SIL1: variants seen among roughly 807,000 people sequenced by gnomAD.
SIL1 encodes the protein nucleotide exchange factor SIL1.
In SIL1, 40 loss-of-function variants were observed where a neutral mutation model predicts 49.1. That is an observed-to-expected ratio of 0.81 (90% CI 0.63 to 1.06). SIL1 has a LOEUF of 1.06. Among genes scored for constraint, SIL1 ranks in the 50% least tolerant of loss-of-function variants. SIL1 has a pLI of 0.00. For synonymous variants in SIL1, 253 were observed against 250.8 expected (o/e 1.01, Z -0.08); for missense variants, 500 against 572.6 (o/e 0.87, Z 1.29).
chr5:139,056,518 A>C (rs1286351703), intron 3 of SIL1, among the ~76,000 whole-genome samples: 23 of 83,878 alleles, frequency 2.7e-4, no homozygotes, highest in African/African-American at 4.6e-4. Flanking sequence ...GCCCCCCGCC[A>C]GGCCAGCCGC....
At chr5:138,965,687 C>T (rs1158435039) in intron 7 of SIL1, among the ~76,000 whole-genome samples, 1 of 151,388 alleles carries the variant, frequency 6.6e-6, no homozygotes, top group Admixed American at 6.6e-5. Flanking sequence ...TAGGCACCCA[C>T]GGAGGGGGAT....
intron 7 of SIL1, among the ~76,000 whole-genome samples, chr5:138,986,404 C>T (rs532041384): frequency 1.1e-4 from 16 of 152,308 alleles, no homozygotes; most frequent in African/African-American, 3.4e-4. Flanking sequence ...TGATTTAGGA[C>T]GCAACTTGCA....
At chr5:139,185,252 C>T (rs1390948355) in intron 1 of SIL1, among the ~76,000 whole-genome samples, 1 of 152,162 alleles carries the variant, frequency 6.6e-6, no homozygotes, top group Non-Finnish European at 1.5e-5. Context: ...GGCATCCTGT[C>T]CAAGGCTGGT....
chr5:139,170,864 A>C, intron 1 of SIL1, among the ~76,000 whole-genome samples: 1 of 144,714 alleles, frequency 6.9e-6, no homozygotes, highest in African/African-American at 2.6e-5. Context: ...CCCGTCCGGG[A>C]GGTGAGGGGC....
At chr5:139,147,375 G>T (rs149988469) in intron 1 of SIL1, among the ~76,000 whole-genome samples, 7 of 152,188 alleles carry the variant, frequency 4.6e-5, no homozygotes, top group African/African-American at 1.7e-4. Context: ...TCACCAACAG[G>T]ATACAGCCCT....
intron 5 of SIL1, among the ~76,000 whole-genome samples, chr5:139,030,980 T>C (rs1055457452): frequency 1.3e-5 from 2 of 152,204 alleles, no homozygotes; most frequent in Admixed American, 6.5e-5. Flanking sequence ...TTGTTTTGCA[T>C]AGTTTCAGTG....
rs1169844720 is a variant in SIL1, at chr5:139,170,851, C to T, written c.-11+27418G>A. 4.0e-5 allele frequency among the ~76,000 whole-genome samples: 6 copies of T among 150,196 alleles called. No individual in the cohort carries two copies. The East Asian group carries it at 6.0e-4, about 15-fold the overall frequency. On this transcript the variant is annotated intron_variant, in intron 1 of 9. Transcript: ENST00000394817. ...GGGGTCAGCCCCCCGCCCGGCCAGC[C>T]GCCCCGTCCGGGAGGTGAGGGGCGC...
intron 1 of SIL1, among the ~76,000 whole-genome samples, chr5:139,153,902 TACAG>T (rs2151807198): frequency 6.6e-6 from 1 of 152,316 alleles, no homozygotes; most frequent in African/African-American, 2.4e-5. Flanking sequence ...TCCTCATTCT[TACAG>T]ACAGAAATCC....
intron 1 of SIL1, among the ~76,000 whole-genome samples, chr5:139,143,744 C>T (rs1184163817): frequency 6.6e-6 from 1 of 152,078 alleles, no homozygotes; most frequent in Non-Finnish European, 1.5e-5. Context: ...AGTAAAGTTG[C>T]AGGACATAAA....
At chr5:138,950,022 C>T (rs1012277825) in intron 9 of SIL1, among the ~76,000 whole-genome samples, 2 of 152,114 alleles carry the variant, frequency 1.3e-5, no homozygotes, top group Non-Finnish European at 2.9e-5. Flanking sequence ...CCAAAGCTTC[C>T]AGAGGCAGGC....
chr5:138,947,206 C>G lies in SIL1; in HGVS notation c.1297G>C (p.Ala433Pro). ...ASLQAEYQVL[A>P]SLELQDGEDE... ...TCACCATCCTGCAGCTCCAGGCTGG[C>G]CAGCACCTGGTACTCAGCCTGCAGG... is the stretch of plus-strand genomic sequence containing the variant. Residue 433 changes from alanine (A) to proline (P), a missense_variant, in exon 10 of 10, where the codon GCC (alanine) becomes CCC (proline). Physicochemically the swap from Ala to Pro is conservative, Grantham distance 27. Coordinates refer to ENST00000394817, the MANE Select transcript of SIL1 (RefSeq NM_022464.5). The surrounding 1 kb of genome is among the most constrained non-coding windows in gnomAD (Gnocchi z 4.1). The G allele has an allele frequency of 6.2e-7, 1 of 1,613,460 alleles. No individual in the cohort carries two copies. Among genetic ancestry groups the G allele is most frequent in the Non-Finnish European group, 8.5e-7 (1 of 1,179,940 alleles).
At chr5:139,059,733 T>C (rs984544091) in intron 3 of SIL1, among the ~76,000 whole-genome samples, 2 of 152,180 alleles carry the variant, frequency 1.3e-5, no homozygotes, top group Non-Finnish European at 2.9e-5. Context: ...TATCCACACA[T>C]CTATATTTCT....
intron 7 of SIL1, among the ~76,000 whole-genome samples, chr5:138,970,215 G>T (rs1435843243): frequency 6.6e-6 from 1 of 152,234 alleles, no homozygotes; most frequent in East Asian, 1.9e-4. Context: ...ACAAAGGCAG[G>T]CTGGGAGACC....
At chr5:139,021,336 A>G in intron 6 of SIL1, 44 bp from the exon 7 acceptor site, 2 of 1,611,724 alleles carry the variant, frequency 1.2e-6, no homozygotes, top group Admixed American at 1.7e-5. Context: ...CATCAGGGAC[A>G]GGAAAGCTGT....
At chr5:139,184,708 T>A (rs1752048107) in intron 1 of SIL1, among the ~76,000 whole-genome samples, 1 of 152,118 alleles carries the variant, frequency 6.6e-6, no homozygotes, top group South Asian at 2.1e-4. Context: ...TAAATGGGGA[T>A]GTCATAAGAA....
chr5:139,143,199 ATATATATGTG>A (rs1751114877), intron 1 of SIL1, among the ~76,000 whole-genome samples: 1 of 150,532 alleles, frequency 6.6e-6, no homozygotes. Context: ...TGATATATAC[ATATATATGTG>A]TATATACACA....
chr5:138,988,874 C>G (rs949828922), intron 7 of SIL1, among the ~76,000 whole-genome samples: 3 of 152,096 alleles, frequency 2.0e-5, no homozygotes, highest in Non-Finnish European at 4.4e-5. Flanking sequence ...GTATCTCTAC[C>G]AAATAAGCAA....
chr5:139,058,970 A>G lies in SIL1; in HGVS notation c.245-7924T>C, dbSNP rs11956095. Among the ~76,000 whole-genome samples the G allele has an allele frequency of 8.5e-3, 1,274 of 150,334 alleles. 18 individuals carry two copies. Among genetic ancestry groups the G allele is most frequent in the African/African-American group, 0.029 (1,186 of 40,742 alleles). On this transcript the variant is annotated intron_variant, in intron 3 of 9. Transcript: ENST00000394817. ...TCAGTAGGCGGAGCTAGAAATGTGT[A>G]TGTGTGTGTGTGTGTGTAACAAAAT...
chr5:139,003,956 G>A lies in SIL1; in HGVS notation c.767+17215C>T, dbSNP rs951762488. On this transcript the variant is annotated intron_variant, in intron 7 of 9. Coordinates refer to ENST00000394817, the MANE Select transcript of SIL1 (RefSeq NM_022464.5). ...TTTTCCTTGAATCCAGATGTCTAACGGGAGGTGAGTGGAACACCAAGAGAG... is the reference window on the plus strand; with the variant it reads ...TTTTCCTTGAATCCAGATGTCTAACAGGAGGTGAGTGGAACACCAAGAGAG... 2.6e-5 allele frequency among the ~76,000 whole-genome samples: 4 copies of A among 152,138 alleles called. No individual in the cohort carries two copies. In the South Asian group the frequency reaches 6.2e-4, roughly 24 times the overall value.
Sources: allele counts gnomAD v4.1 joint callset (sites outside exome capture counted in the v4.1 genomes callset), GRCh38; gene constraint gnomAD v4.1.1; non-coding constraint Gnocchi (gnomAD v3.1); transcripts MANE v1.5; gene names NCBI Gene and HGNC (gene_info 2026-07-23, HGNC 2026-07-21).